Variants in MATR3 observed in about 807,000 individuals in gnomAD.
MATR3 encodes matrin 3.
In MATR3, 4 loss-of-function variants were observed where a neutral mutation model predicts 85.5. The ratio of observed to expected loss-of-function variants is 0.05; its 90% CI spans 0.02 to 0.11. The LOEUF (loss-of-function observed/expected upper bound fraction) is 0.11, where lower values mean the gene tolerates loss of function less well. Among genes scored for constraint, MATR3 ranks in the 10% least tolerant of loss-of-function variants. The probability of loss-of-function intolerance (pLI) is 1.00; values close to 1 mark genes in which losing one functional copy is unlikely to be tolerated. For missense variants in MATR3, 685 were observed against 1,016.1 expected (o/e 0.67, Z 4.43); for synonymous variants, 336 against 343.1 (o/e 0.98, Z 0.23).
At chr5:139,285,948 A>G (rs1253975973) in intron 3 of MATR3, among the ~76,000 whole-genome samples, 1 of 152,166 alleles carries the variant, frequency 6.6e-6, no homozygotes, top group African/African-American at 2.4e-5. Flanking sequence ...TTTCAGAAAG[A>G]GCAGAATAAA....
chr5:139,298,334 G>A (rs939045170), intron 1 of MATR3, among the ~76,000 whole-genome samples: 1 of 152,184 alleles, frequency 6.6e-6, no homozygotes, highest in South Asian at 2.1e-4. Context: ...CACTTTGGGG[G>A]CTGAGGTGGG....
chr5:139,323,910 C>T (rs999994206), intron 12 of MATR3, among the ~76,000 whole-genome samples: 1 of 151,876 alleles, frequency 6.6e-6, no homozygotes, highest in Non-Finnish European at 1.5e-5. Flanking sequence ...AAAAGTAGAG[C>T]GAAATGAGAT....
intron 14 of MATR3, among the ~76,000 whole-genome samples, chr5:139,326,630 A>G (rs1436084743): frequency 6.6e-6 from 1 of 152,032 alleles, no homozygotes; most frequent in African/African-American, 2.4e-5. Flanking sequence ...CATGTTGGCT[A>G]GCCTGGCTGG....
chr5:139,298,334 G>T (rs939045170), intron 1 of MATR3, among the ~76,000 whole-genome samples: 1 of 152,184 alleles, frequency 6.6e-6, no homozygotes, highest in Non-Finnish European at 1.5e-5. Flanking sequence ...CACTTTGGGG[G>T]CTGAGGTGGG....
At chr5:139,324,290 GTTT>G (rs767660135) in intron 12 of MATR3, among the ~76,000 whole-genome samples, 13 of 107,712 alleles carry the variant, frequency 1.2e-4, no homozygotes, top group East Asian at 2.8e-4. Flanking sequence ...GAGCATGATT[GTTT>G]TTTTTTTTTT....
chr5:139,330,391 G>T lies in MATR3; in HGVS notation c.*996G>T. On this transcript the variant is annotated 3_prime_UTR_variant, in exon 15 of 15. Coordinates refer to ENST00000394805, the MANE Select transcript of MATR3 (RefSeq NM_018834.6). ...TTACTGAAGTGAATACCAATAAAAA[G>T]AAAACCCTAGGCCATGTTAATTGGT... 1 of 454,440 alleles carries T rather than the reference G, an allele frequency of 2.2e-6. No homozygotes were observed. The highest frequency in any genetic ancestry group is 4.4e-6 in the Non-Finnish European group (1 of 226,780). The allele number at this position is 454,440 out of a possible 1,614,324, so 28.2% of individuals were successfully genotyped here.
intron 2 of MATR3, among the ~76,000 whole-genome samples, chr5:139,277,380 G>A (rs943764211): frequency 1.3e-5 from 2 of 152,150 alleles, no homozygotes; most frequent in African/African-American, 2.4e-5. Flanking sequence ...TCCACAGGAG[G>A]AAATGGGGAG....
intron 14 of MATR3, 60 bp downstream of exon 14, chr5:139,326,344 G>A (rs1561945640): frequency 2.8e-5 from 43 of 1,538,488 alleles, no homozygotes; most frequent in Non-Finnish European, 3.9e-5. Flanking sequence ...GAAATAAGTG[G>A]GGTATATAAG....
intron 1 of MATR3, among the ~76,000 whole-genome samples, chr5:139,275,233 G>A (rs1176543083): frequency 7.3e-6 from 1 of 137,370 alleles, no homozygotes; most frequent in Non-Finnish European, 1.5e-5. Context: ...TCCTGAACTC[G>A]TGATCCGCCA....
At chr5:139,322,115 T>C (rs1404098947) in intron 10 of MATR3, 86 bp downstream of exon 10, 1 of 1,430,620 alleles carries the variant, frequency 7.0e-7, no homozygotes, top group Non-Finnish European at 9.8e-7. Context: ...TTTTGTATGC[T>C]AAAAATACAG....
intron 2 of MATR3, among the ~76,000 whole-genome samples, chr5:139,277,128 AC>A (rs1445632484): frequency 6.6e-6 from 1 of 151,302 alleles, no homozygotes; most frequent in East Asian, 1.9e-4. Context: ...TGCCACCACA[AC>A]CAGATAATTT....
rs1754800336 is a variant in MATR3, at chr5:139,308,131, C to G, written c.716C>G (p.Thr239Ser). 1 of 1,613,756 alleles carries G rather than the reference C, an allele frequency of 6.2e-7. No homozygotes were observed. The highest frequency in any genetic ancestry group is 8.5e-7 in the Non-Finnish European group (1 of 1,179,910). Reference protein sequence around the residue: ...RCRDDSFFGETSHNYHKFDSE... With the variant: ...RCRDDSFFGESSHNYHKFDSE... ...AGGGATGATTCTTTTTTTGGTGAGACCTCGCATAACTATCATAAATTTGAC... is the reference window on the plus strand; with the variant it reads ...AGGGATGATTCTTTTTTTGGTGAGAGCTCGCATAACTATCATAAATTTGAC... Residue 239 changes from threonine to serine, a missense_variant, in exon 2 of 15, where the codon ACC becomes AGC. Transcript: ENST00000394805.
intron 2 of MATR3, chr5:139,311,642 A>G (rs1754978744): frequency 6.6e-6 from 1 of 150,902 alleles, no homozygotes; most frequent in Non-Finnish European, 1.5e-5. Context: ...CATGCGTAGT[A>G]GGATAACATT....
Position 139,319,414 on chromosome 5 carries a change from T to G in MATR3, c.1515T>G (p.His505Gln). Residue 505 changes from histidine to glutamine, a missense_variant, in exon 9 of 15, where the codon CAT (histidine) becomes CAG (glutamine). Coordinates refer to ENST00000394805, the MANE Select transcript of MATR3 (RefSeq NM_018834.6). Reference sequence around the variant, plus strand: ...TGATACATCTCAGCAATTTGCCGCATTCTGGCTATTCTGATAGTGCTGTTC... The same window carrying G: ...TGATACATCTCAGCAATTTGCCGCAGTCTGGCTATTCTGATAGTGCTGTTC... The part of the protein sequence containing the change: ...GRVIHLSNLP[H>Q]SGYSDSAVLK... 6.2e-7 allele frequency: 1 copy of G among 1,614,146 alleles called. No individual in the cohort carries two copies. Among genetic ancestry groups the G allele is most frequent in the Non-Finnish European group, 8.5e-7 (1 of 1,180,008 alleles).
intron 3 of MATR3, among the ~76,000 whole-genome samples, chr5:139,285,060 A>G (rs1753660330): frequency 6.6e-6 from 1 of 152,168 alleles, no homozygotes; most frequent in Non-Finnish European, 1.5e-5. Context: ...TCACACGAGA[A>G]CTTGTGTGGT....
chr5:139,324,228 TACTGCTTA>T (rs1316864514), intron 12 of MATR3, among the ~76,000 whole-genome samples: 1 of 151,510 alleles, frequency 6.6e-6, no homozygotes, highest in Non-Finnish European at 1.5e-5. Flanking sequence ...AATAATCCCA[TACTGCTTA>T]TAAGACACAG....
chr5:139,326,335 A>G (rs1755849980), intron 14 of MATR3, 51 bp downstream of exon 14: 1 of 1,587,126 alleles, frequency 6.3e-7, no homozygotes, highest in African/African-American at 1.3e-5. Flanking sequence ...CAAGTTATGG[A>G]AATAAGTGGG....
At chr5:139,324,848 G>C (rs1755763389) in intron 12 of MATR3, among the ~76,000 whole-genome samples, 1 of 151,984 alleles carries the variant, frequency 6.6e-6, no homozygotes, top group Admixed American at 6.6e-5. Flanking sequence ...CAAATTATCA[G>C]TAATTTTTTG....
chr5:139,303,044 AGTT>A (rs1229692169), intron 1 of MATR3, among the ~76,000 whole-genome samples: 1 of 150,988 alleles, frequency 6.6e-6, no homozygotes. Flanking sequence ...ATCTCAAATT[AGTT>A]GTTTTTTTTT....
Sources: gnomAD v4.1 joint callset for allele counts (sites outside exome capture counted in the v4.1 genomes callset) on GRCh38, gnomAD v4.1.1 for gene constraint, MANE v1.5 for transcripts, NCBI Gene and HGNC (gene_info 2026-07-23, HGNC 2026-07-21) for gene names.